Variants in GCN1 observed in about 807,000 individuals in gnomAD.
The protein encoded by GCN1 is GCN1 activator of EIF2AK4, also known as stalled ribosome sensor GCN1.
Under a neutral mutation model 288.4 loss-of-function variants are expected in GCN1, and 90 were observed. That is an observed-to-expected ratio of 0.31 (90% CI 0.26 to 0.37). GCN1 has a LOEUF of 0.37. Among genes scored for constraint, GCN1 ranks in the 10% least tolerant of loss-of-function variants. The pLI is 1.00. For missense variants in GCN1, 2,586 were observed against 3,419.9 expected (o/e 0.76, Z 6.08); for synonymous variants, 1,386 against 1,420.2 (o/e 0.98, Z 0.54).
chr12:120,193,409 G>A (rs1594294410), intron 1 of GCN1, among the ~76,000 whole-genome samples: 1 of 152,062 alleles, frequency 6.6e-6, no homozygotes, highest in African/African-American at 2.4e-5. Context: ...AGGTTCAAGC[G>A]ATTCTCATGC....
chr12:120,190,559 G>A (rs931322011), intron 1 of GCN1, among the ~76,000 whole-genome samples, 159 bp from the exon 2 acceptor site: 2 of 152,040 alleles, frequency 1.3e-5, no homozygotes, highest in African/African-American at 4.8e-5. Flanking sequence ...GGTTGTGGGG[G>A]CCGTGTTTTT....
chr12:120,143,242 G>A (rs1405188426), intron 42 of GCN1, among the ~76,000 whole-genome samples: 1 of 152,166 alleles, frequency 6.6e-6, no homozygotes, highest in Non-Finnish European at 1.5e-5. Context: ...AGGCAAGTAG[G>A]AAGACTGATC....
At chr12:120,176,938 G>A (rs553239121) in intron 9 of GCN1, among the ~76,000 whole-genome samples, 10 of 151,924 alleles carry the variant, frequency 6.6e-5, no homozygotes, top group African/African-American at 1.7e-4. Flanking sequence ...AATTTTTTTC[G>A]TATTTTTATT....
chr12:120,156,849 C>G lies in GCN1; in HGVS notation c.3168+63G>C, dbSNP rs1877763639. 4.2e-6 allele frequency: 5 copies of G among 1,181,004 alleles called. No homozygotes were observed. Among genetic ancestry groups the G allele is most frequent in the South Asian group, 3.6e-5 (3 of 82,366 alleles). 73.2% of individuals were successfully genotyped at this position (1,181,004 alleles called of 1,614,324 possible). On this transcript the variant is annotated intron_variant, in intron 27 of 57. Coordinates refer to ENST00000300648, the MANE Select transcript of GCN1 (RefSeq NM_006836.2). This position sits in a 1 kb window ranked among gnomAD's most constrained non-coding sequence, Gnocchi z 5.8. ...GGAAACTAGGACTCCACCCTTTACA[C>G]TGGGACTTGAGGTCTGGGTCACGAA...
intron 26 of GCN1, among the ~76,000 whole-genome samples, chr12:120,157,644 G>C (rs1404702622): frequency 6.6e-6 from 1 of 152,262 alleles, no homozygotes; most frequent in Admixed American, 6.5e-5. Flanking sequence ...CATGGCAGGA[G>C]AGCCAGAGTC....
Position 120,190,414 on chromosome 12 carries a change from GC to G in GCN1, c.19-15del, listed in dbSNP as rs1185569379. ...TGTCTCGGAAACCTGTGAAGGCCAA[GC>G]AACAGAAAAATTCACTAGTCAGACT... On this transcript the variant is annotated splice_polypyrimidine_tract_variant and intron_variant, in intron 1 of 57. Transcript: ENST00000300648. 1 of 1,419,504 alleles carries G rather than the reference GC, an allele frequency of 7.0e-7. No homozygotes were observed. Among genetic ancestry groups the G allele is most frequent in the Non-Finnish European group, 1.0e-6 (1 of 1,002,688 alleles). The allele number at this position is 1,419,504 out of a possible 1,614,324, so 87.9% of individuals were successfully genotyped here.
rs1182509641 is a variant in GCN1, at chr12:120,136,672, T to C, written c.6838A>G (p.Lys2280Glu). 2.5e-6 allele frequency: 4 copies of C among 1,613,946 alleles called. No individual in the cohort carries two copies. The highest frequency in any genetic ancestry group is 1.7e-5 in the Admixed American group (1 of 60,006). ...EGVLTGSPEQ[K>E]EEAAKALGLV... ...CCTAAGGCTTTGGCTGCCTCCTCCT[T>C]CTGCTCAGGGCTGCCAGTCAGGACT... The change falls in exon 51 of 58, where the codon AAG becomes GAG. Residue 2280 changes from lysine to glutamate, a missense_variant. Around this residue, in one of 8 missense-constraint regions of GCN1, gnomAD observed 437 missense variants for 570.5 expected, o/e 0.77. Transcript: ENST00000300648.
rs1594285865 is a variant in GCN1, at chr12:120,177,908, C to T, written c.661-156G>A. 6.2e-6 allele frequency: 4 copies of T among 645,996 alleles called. No individual in the cohort carries two copies. In the East Asian group the frequency reaches 1.1e-4, roughly 17 times the overall value. The allele number at this position is 645,996 out of a possible 1,614,324, so 40.0% of individuals were successfully genotyped here. ...AGGTCCCACTGATCACGCAACCCCA[C>T]TTAAAACCCTTCCACAGCTTTCCAT... On this transcript the variant is annotated intron_variant, in intron 7 of 57. Transcript: ENST00000300648.
rs376608017 is a variant in GCN1, at chr12:120,159,964, C to G, written c.2610G>C (p.Pro870=). The G allele has an allele frequency of 1.7e-5, 27 of 1,614,022 alleles. No homozygotes were observed. The highest frequency in any genetic ancestry group is 2.2e-5 in the Non-Finnish European group (26 of 1,179,996). The part of the protein sequence containing the change: ...GLLDIILAKN[P]SGLTQYIPVL... ...CAGGGATGTACTGGGTCAGGCCGGA[C>G]GGGTTCTTGGCCAGGATGATGTCCA... The change falls in exon 24 of 58, where the codon CCG becomes CCC. Residue 870 remains proline (P), a synonymous_variant. Transcript: ENST00000300648.
chr12:120,162,104 C>T (rs140622582), intron 20 of GCN1, 46 bp from the exon 21 acceptor site: 6 of 1,547,160 alleles, frequency 3.9e-6, no homozygotes, highest in Non-Finnish European at 4.4e-6. Flanking sequence ...AAGGCTGGCA[C>T]TGGCAAGAGG....
At chr12:120,183,747 G>T (rs1026313546) in intron 4 of GCN1, 70 bp from the exon 5 acceptor site, 7 of 897,806 alleles carry the variant, frequency 7.8e-6, no homozygotes, top group Admixed American at 1.7e-5. Flanking sequence ...TGTCCCTAAG[G>T]CCCCGCCTGG....
At chr12:120,168,424 G>A in intron 15 of GCN1, 124 bp from the exon 16 acceptor site, 1 of 685,420 alleles carries the variant, frequency 1.5e-6, no homozygotes, top group Admixed American at 2.2e-5. Context: ...AGGAGGCTCA[G>A]TGCTCTTCCA....
In GCN1 at chr12:120,153,383, C is replaced by T. The variant is rs1877632571; in HGVS notation, c.3892G>A (p.Val1298Ile). Reference sequence around the variant, plus strand: ...GCGTTCTTCAGGAACTCCTCGAATACTGGCAACAGCGAGTTGACGTTCTCC... The same window carrying T: ...GCGTTCTTCAGGAACTCCTCGAATATTGGCAACAGCGAGTTGACGTTCTCC... ...GKENVNSLLP[V>I]FEEFLKNAPN... Residue 1298 changes from valine to isoleucine, a missense_variant, in exon 33 of 58, where the codon GTA becomes ATA. Transcript: ENST00000300648. The surrounding 1 kb of genome is among the most constrained non-coding windows in gnomAD (Gnocchi z 4.4). The T allele has an allele frequency of 6.2e-7, 1 of 1,614,154 alleles. No individual in the cohort carries two copies. The highest frequency in any genetic ancestry group is 8.5e-7 in the Non-Finnish European group (1 of 1,180,016).
rs199805344 is a variant in GCN1 at position 120,156,567 on chromosome 12, C to G, written c.3206G>C (p.Ser1069Thr). 6.2e-7 allele frequency: 1 copy of G among 1,613,552 alleles called. No individual in the cohort carries two copies. The highest frequency in any genetic ancestry group is 1.3e-5 in the African/African-American group (1 of 74,922). The change falls in exon 28 of 58, where the codon AGC (serine) becomes ACC (threonine). Residue 1069 changes from serine to threonine, a missense_variant. Ser to Thr is a moderately conservative substitution (Grantham distance 58). Around this residue, in one of 8 missense-constraint regions of GCN1, gnomAD observed 153 missense variants for 252.0 expected, o/e 0.61. Coordinates refer to ENST00000300648, the MANE Select transcript of GCN1 (RefSeq NM_006836.2). This position sits in a 1 kb window ranked among gnomAD's most constrained non-coding sequence, Gnocchi z 5.8. ...GGCACAGCCATCATCACCACTGCTG[C>G]TGGCACACAGGGTGGTCAGGGTGTC... is the stretch of plus-strand genomic sequence containing the variant. ...ASDTLTTLCASSSGDDGCAFA... is the reference protein window; with the variant it reads ...ASDTLTTLCATSSGDDGCAFA...
Position 120,138,063 on chromosome 12 carries a change from T to C in GCN1, c.6250-19A>G. Reference sequence around the variant, plus strand: ...TTGTCAGCTGGTGGAATGACAAACATTAACTCAGTGAATACTGTGCCAGGT... The same window carrying C: ...TTGTCAGCTGGTGGAATGACAAACACTAACTCAGTGAATACTGTGCCAGGT... On this transcript the variant is annotated intron_variant, in intron 47 of 57. Coordinates refer to ENST00000300648, the MANE Select transcript of GCN1 (RefSeq NM_006836.2). 1.2e-6 allele frequency: 2 copies of C among 1,602,776 alleles called. 1 individual carries two copies. Among genetic ancestry groups the C allele is most frequent in the South Asian group, 2.2e-5 (2 of 89,672 alleles).
In GCN1 at chr12:120,158,757, A is replaced by G; in HGVS notation, c.2750-142T>C. ...GCTGGGCGCGGTGGCTGATGCCTGT[A>G]ATCCCAGCACTTTGGGAGGCCGAGG... On this transcript the variant is annotated intron_variant, in intron 24 of 57. Coordinates refer to ENST00000300648, the MANE Select transcript of GCN1 (RefSeq NM_006836.2). This position sits in a 1 kb window ranked among gnomAD's most constrained non-coding sequence, Gnocchi z 4.3. The G allele has an allele frequency of 2.9e-6, 2 of 685,834 alleles. No individual in the cohort carries two copies. The highest frequency in any genetic ancestry group is 5.6e-5 in the East Asian group (2 of 35,404). The allele number at this position is 685,834 out of a possible 1,614,324, so 42.5% of individuals were successfully genotyped here. A position where few individuals can be genotyped will look rare whatever the true frequency, so the allele number is the denominator to read the frequency against.
At position 120,157,044 on chromosome 12, in the gene GCN1, C is replaced by G. The variant is rs774553344; in HGVS notation, c.3088-52G>C. ...GATGAGGCTGTGGGGAGGTCTGTAA[C>G]CCAGGCGGCCAACGGCAGGGCATCC... On this transcript the variant is annotated intron_variant, in intron 26 of 57. Coordinates refer to ENST00000300648, the MANE Select transcript of GCN1 (RefSeq NM_006836.2). 9 of 1,260,966 alleles carry G rather than the reference C, an allele frequency of 7.1e-6. No homozygotes were observed. In the African/African-American group the frequency reaches 8.8e-5, roughly 12 times the overall value. 78.1% of individuals were successfully genotyped at this position (1,260,966 alleles called of 1,614,324 possible).
At chr12:120,143,373 G>T (rs956548286) in intron 42 of GCN1, among the ~76,000 whole-genome samples, 1 of 151,984 alleles carries the variant, frequency 6.6e-6, no homozygotes, top group Non-Finnish European at 1.5e-5. Context: ...ACCTGAGGTC[G>T]GGGGTTCGAG....
intron 36 of GCN1, 85 bp from the exon 37 acceptor site, chr12:120,148,431 A>G: frequency 8.8e-7 from 1 of 1,132,432 alleles, no homozygotes; most frequent in East Asian, 2.4e-5. Context: ...AGCAAGGGAC[A>G]TCTACCCTGG....
Sources: allele counts gnomAD v4.1 joint callset (sites outside exome capture counted in the v4.1 genomes callset), GRCh38; gene constraint gnomAD v4.1.1; regional missense constraint gnomAD v4.1.1; non-coding constraint Gnocchi (gnomAD v3.1); transcripts MANE v1.5; gene names NCBI Gene and HGNC (gene_info 2026-07-23, HGNC 2026-07-21).